The following PIK3CD variants were observed in gnomAD, a reference collection of about 807,000 sequenced individuals.
PIK3CD encodes phosphatidylinositol-4,5-bisphosphate 3-kinase catalytic subunit delta, also known as phosphatidylinositol 4,5-bisphosphate 3-kinase catalytic subunit delta isoform.
PIK3CD carries 20 observed loss-of-function variants against 122.9 expected under a neutral mutation model. That is an observed-to-expected ratio of 0.16 (90% CI 0.11 to 0.24). The LOEUF is 0.24. PIK3CD is among the 10% of genes least tolerant of loss of function. The pLI, the probability that PIK3CD is intolerant of heterozygous loss-of-function variation, is 1.00. For synonymous variants in PIK3CD, 596 were observed against 593.4 expected (o/e 1.00, Z -0.06); for missense variants, 787 against 1,406.3 (o/e 0.56, Z 7.04).
chr1:9,653,530 G>C (rs1055711191), intron 1 of PIK3CD: 2 of 298,028 alleles, frequency 6.7e-6, no homozygotes, highest in Admixed American at 9.6e-5. Context: ...TAATTCTCTT[G>C]GGGGGGATTT....
Position 9,724,228 on chromosome 1 carries a change from CCTGT to C in PIK3CD, c.2719-44_2719-41del, listed in dbSNP as rs757173376. 2 of 1,613,430 alleles carry C rather than the reference CCTGT, an allele frequency of 1.2e-6. No individual in the cohort carries two copies. Among genetic ancestry groups the C allele is most frequent in the South Asian group, 2.2e-5 (2 of 91,054 alleles). On this transcript the variant is annotated intron_variant, in intron 21 of 23. Transcript: ENST00000377346. The surrounding 1 kb of genome is among the most constrained non-coding windows in gnomAD (Gnocchi z 7.3). ...GCTTCCTGTCTCCCCTGGATTCTCT[CCTGT>C]CTGACACCTTCTCAATCCTCCCCCT...
rs1341591291 is a variant in PIK3CD at position 9,727,047 on chromosome 1, T to A, written c.*1T>A. The A allele has an allele frequency of 6.2e-7, 1 of 1,613,922 alleles. No individual in the cohort carries two copies. The highest frequency in any genetic ancestry group is 1.7e-5 in the Admixed American group (1 of 59,974). On this transcript the variant is annotated 3_prime_UTR_variant, in exon 24 of 24. Transcript: ENST00000377346. Reference sequence around the variant, plus strand: ...CGTGTCCAAAGACAACAGGCAGTAGTGGCTCCTCCCAGCCCTGGGCCCAAG... The same window carrying A: ...CGTGTCCAAAGACAACAGGCAGTAGAGGCTCCTCCCAGCCCTGGGCCCAAG...
upstream of PIK3CD, among the ~76,000 whole-genome samples, chr1:9,647,701 T>G (rs1557582040): frequency 6.6e-6 from 1 of 151,938 alleles, no homozygotes; most frequent in African/African-American, 2.4e-5. Flanking sequence ...AGATGAGGTC[T>G]CACTATGTTG....
At chr1:9,629,064 C>T in the PIK3CD span, among the ~76,000 whole-genome samples, 2 of 152,058 alleles carry the variant, frequency 1.3e-5, no homozygotes, top group African/African-American at 4.8e-5. Context: ...TCCCCACTGT[C>T]ACCCCAGTGA....
intron 23 of PIK3CD, 73 bp downstream of exon 23, chr1:9,725,009 G>A (rs1649287946): frequency 1.3e-6 from 2 of 1,578,558 alleles, no homozygotes; most frequent in South Asian, 1.1e-5. Context: ...TGACCTAGGA[G>A]GGCCCTGAAT....
intron 3 of PIK3CD, among the ~76,000 whole-genome samples, chr1:9,714,196 G>A (rs1647173133): frequency 6.6e-6 from 1 of 152,110 alleles, no homozygotes; most frequent in Non-Finnish European, 1.5e-5. Flanking sequence ...TTACAGAGCT[G>A]TGCATGTGGG....
chr1:9,652,374 A>G lies in PIK3CD; in HGVS notation c.-138+572A>G, dbSNP rs1644702600. Reference sequence around the variant, plus strand: ...CCCTTCCCAGCCTGGGCAAGTGGGGAGCGGGGCTGCAGAGGGGCCGGGGTG... The same window carrying G: ...CCCTTCCCAGCCTGGGCAAGTGGGGGGCGGGGCTGCAGAGGGGCCGGGGTG... On this transcript the variant is annotated intron_variant, in intron 1 of 23. Transcript: ENST00000377346. This position sits in a 1 kb window ranked among gnomAD's most constrained non-coding sequence, Gnocchi z 6.2. 1.3e-5 allele frequency among the ~76,000 whole-genome samples: 2 copies of G among 151,836 alleles called. No individual in the cohort carries two copies. The highest frequency in any genetic ancestry group is 4.8e-5 in the African/African-American group (2 of 41,308).
In PIK3CD at chr1:9,713,618, TCTCA is replaced by T. The variant is rs1647142785; in HGVS notation, c.142-1920_142-1917del. On this transcript the variant is annotated intron_variant, in intron 3 of 23. Coordinates refer to ENST00000377346, the MANE Select transcript of PIK3CD (RefSeq NM_005026.5). ...TGTATTTTATTTTGCTTGAGAATGGTCTCACTTTGTTGCACAGGCTGGAATGCAG... is the reference window on the plus strand; with the variant it reads ...TGTATTTTATTTTGCTTGAGAATGGTCTTTGTTGCACAGGCTGGAATGCAG... 4.6e-5 allele frequency among the ~76,000 whole-genome samples: 7 copies of T among 152,218 alleles called. No homozygotes were observed. In the South Asian group the frequency reaches 1.5e-3, roughly 32 times the overall value.
rs1648351499 is a variant in PIK3CD at position 9,720,435 on chromosome 1, T to C, written c.1471-176T>C. On this transcript the variant is annotated intron_variant, in intron 11 of 23. Transcript: ENST00000377346. This position sits in a 1 kb window ranked among gnomAD's most constrained non-coding sequence, Gnocchi z 9.0. The stretch of plus-strand genomic sequence containing the variant: ...TGATGACATTTTCGGTTGTCACAGC[T>C]GCCAGGAGGGATGCTCTTGGCATCT... 1 of 1,417,056 alleles carries C rather than the reference T, an allele frequency of 7.1e-7. No individual in the cohort carries two copies. The highest frequency in any genetic ancestry group is 2.5e-5 in the East Asian group (1 of 39,838). 87.8% of individuals were successfully genotyped at this position (1,417,056 alleles called of 1,614,324 possible).
At chr1:9,645,451 T>A in the PIK3CD span, among the ~76,000 whole-genome samples, 1 of 151,670 alleles carries the variant, frequency 6.6e-6, no homozygotes, top group African/African-American at 2.4e-5. Context: ...TATTTTATTT[T>A]ATTTATTTAT....
chr1:9,667,667 T>C lies in PIK3CD; in HGVS notation c.-138+15865T>C, dbSNP rs150998206. ...CTAGGATTACAGGCGTGAGCCACCG[T>C]GCCCGGCCGAAATAATGTTTTGCTA... On this transcript the variant is annotated intron_variant, in intron 1 of 23. Transcript: ENST00000377346. Among the ~76,000 whole-genome samples the C allele has an allele frequency of 7.9e-3, 1,194 of 151,864 alleles. 35 individuals are homozygous for C. The highest frequency in any genetic ancestry group is 0.049 in the Admixed American group (745 of 15,228).
chr1:9,692,522 C>G (rs564726110), intron 2 of PIK3CD, among the ~76,000 whole-genome samples: 2 of 151,168 alleles, frequency 1.3e-5, no homozygotes, highest in African/African-American at 4.8e-5. Context: ...GTCAGGAGTT[C>G]GAGACCAGCC....
chr1:9,676,089 G>A (rs1404225321), intron 1 of PIK3CD, among the ~76,000 whole-genome samples: 1 of 151,948 alleles, frequency 6.6e-6, no homozygotes, highest in Non-Finnish European at 1.5e-5. Context: ...CCACCACCAT[G>A]CCCAGCTAAT....
intron 1 of PIK3CD, among the ~76,000 whole-genome samples, chr1:9,671,602 G>C (rs1341934189): frequency 1.3e-5 from 2 of 152,138 alleles, no homozygotes; most frequent in African/African-American, 2.4e-5. Flanking sequence ...GAATGACTCA[G>C]ATGGAATGCA....
Position 9,724,249 on chromosome 1 carries a change from C to T in PIK3CD, c.2719-27C>T. 1 of 1,613,922 alleles carries T rather than the reference C, an allele frequency of 6.2e-7. No homozygotes were observed. ...CTCTCCTGTCTGACACCTTCTCAAT[C>T]CTCCCCCTCCTCTCCCCTCCCCTCA... is the stretch of plus-strand genomic sequence containing the variant. On this transcript the variant is annotated intron_variant, in intron 21 of 23. Transcript: ENST00000377346. This position sits in a 1 kb window ranked among gnomAD's most constrained non-coding sequence, Gnocchi z 7.3.
In PIK3CD at chr1:9,693,602, A is replaced by T. The variant is rs144710102; in HGVS notation, c.-33+2031A>T. On this transcript the variant is annotated intron_variant, in intron 2 of 23. Transcript: ENST00000377346. ...TATTATTATAGACTTTGACATAAACATAACAATCGAACATATATGTATTTC... is the reference window on the plus strand; with the variant it reads ...TATTATTATAGACTTTGACATAAACTTAACAATCGAACATATATGTATTTC... Among the ~76,000 whole-genome samples, 17 of 152,240 alleles carry T rather than the reference A, an allele frequency of 1.1e-4. No individual in the cohort carries two copies. In the East Asian group the frequency reaches 3.3e-3, roughly 29 times the overall value.
chr1:9,648,560 T>G (rs1644628496), upstream of PIK3CD, among the ~76,000 whole-genome samples: 1 of 152,236 alleles, frequency 6.6e-6, no homozygotes, highest in African/African-American at 2.4e-5. Flanking sequence ...GAGTTCCTTC[T>G]GAAACGTCCA....
chr1:9,676,227 G>A (rs1645532002), intron 1 of PIK3CD, among the ~76,000 whole-genome samples: 3 of 152,088 alleles, frequency 2.0e-5, no homozygotes, highest in Admixed American at 2.0e-4. Flanking sequence ...ACCGCACCCA[G>A]CCACACCAAG....
Position 9,717,665 on chromosome 1 carries a change from T to C in PIK3CD, c.1020+39T>C, listed in dbSNP as rs776605890. Reference sequence around the variant, plus strand: ...GATAGGTGGGAGAGACACTGTTTTTTTGCACAAACAAGGTGGCTGTATCCT... The same window carrying C: ...GATAGGTGGGAGAGACACTGTTTTTCTGCACAAACAAGGTGGCTGTATCCT... On this transcript the variant is annotated intron_variant, in intron 8 of 23. Coordinates refer to ENST00000377346, the MANE Select transcript of PIK3CD (RefSeq NM_005026.5). This position sits in a 1 kb window ranked among gnomAD's most constrained non-coding sequence, Gnocchi z 5.4. 2 of 1,588,564 alleles carry C rather than the reference T, an allele frequency of 1.3e-6. No homozygotes were observed. Among genetic ancestry groups the C allele is most frequent in the Non-Finnish European group, 1.7e-6 (2 of 1,157,768 alleles).
Sources: allele counts gnomAD v4.1 joint callset (sites outside exome capture counted in the v4.1 genomes callset), GRCh38; gene constraint gnomAD v4.1.1; non-coding constraint Gnocchi (gnomAD v3.1); transcripts MANE v1.5; gene names NCBI Gene and HGNC (gene_info 2026-07-23, HGNC 2026-07-21).